Variants in FREM2 observed in about 807,000 individuals in gnomAD.
FREM2 encodes the protein FRAS1-related extracellular matrix protein 2.
A neutral mutation model predicts 219.9 loss-of-function variants in FREM2; 119 were observed. The ratio of observed to expected loss-of-function variants is 0.54; its 90% CI spans 0.47 to 0.63. The LOEUF (loss-of-function observed/expected upper bound fraction) is 0.63, where lower values mean the gene tolerates loss of function less well. Ranked by LOEUF, FREM2 falls within the 30% of genes least tolerant of loss-of-function variation. The pLI is 0.00. For missense variants in FREM2, 4,030 were observed against 3,993.6 expected, an observed-to-expected ratio of 1.01 and a Z score of -0.25; for synonymous variants, 1,562 against 1,522.8, an observed-to-expected ratio of 1.03 and a Z score of -0.60.
At chr13:38,820,770 C>G (rs1392776268) in intron 6 of FREM2, among the ~76,000 whole-genome samples, 1 of 152,098 alleles carries the variant, frequency 6.6e-6, no homozygotes, top group Non-Finnish European at 1.5e-5. Context: ...CAGAGCACTT[C>G]AAAGTCTTGG....
intron 6 of FREM2, among the ~76,000 whole-genome samples, chr13:38,793,407 G>A (rs1874640238): frequency 1.3e-5 from 2 of 152,218 alleles, no homozygotes; most frequent in Admixed American, 1.3e-4. Flanking sequence ...AGGAAAGTGT[G>A]TTTCTGGAGT....
At chr13:38,783,713 GTT>G (rs1874213166) in intron 5 of FREM2, among the ~76,000 whole-genome samples, 1 of 152,148 alleles carries the variant, frequency 6.6e-6, no homozygotes, top group Non-Finnish European at 1.5e-5. Flanking sequence ...AAAATCAAAA[GTT>G]ATATATGCTG....
chr13:38,761,726 G>C (rs1022847078), intron 2 of FREM2, among the ~76,000 whole-genome samples: 5 of 152,146 alleles, frequency 3.3e-5, no homozygotes, highest in African/African-American at 1.2e-4. Flanking sequence ...TCACACAGGA[G>C]GGGGATAGAG....
intron 2 of FREM2, among the ~76,000 whole-genome samples, chr13:38,764,000 A>T (rs1394485262): frequency 1.3e-5 from 2 of 152,166 alleles, no homozygotes; most frequent in Non-Finnish European, 2.9e-5. Context: ...GTTATCCTGC[A>T]AGTTGGATAT....
At chr13:38,695,140 C>G (rs1394891721) in intron 1 of FREM2, among the ~76,000 whole-genome samples, 1 of 152,120 alleles carries the variant, frequency 6.6e-6, no homozygotes, top group Non-Finnish European at 1.5e-5. Flanking sequence ...GATTATATTT[C>G]TACTACTTTT....
chr13:38,816,580 G>A (rs1875776445), intron 6 of FREM2, among the ~76,000 whole-genome samples: 1 of 152,108 alleles, frequency 6.6e-6, no homozygotes, highest in Non-Finnish European at 1.5e-5. Flanking sequence ...TTACCTCAAT[G>A]CAGTAACAGC....
chr13:38,860,588 CT>C (rs1877725502), intron 14 of FREM2, among the ~76,000 whole-genome samples: 1 of 152,118 alleles, frequency 6.6e-6, no homozygotes, highest in Non-Finnish European at 1.5e-5. Context: ...ATCAGACAGC[CT>C]CTATGCTGGG....
At chr13:38,800,669 A>C (rs2137850071) in intron 6 of FREM2, among the ~76,000 whole-genome samples, 1 of 152,264 alleles carries the variant, frequency 6.6e-6, no homozygotes, top group Admixed American at 6.5e-5. Flanking sequence ...TCACTTTGTC[A>C]CCCAGGCTGG....
rs1251896320 is a variant in FREM2, at chr13:38,728,263, C to T, written c.5263+30476C>T. The stretch of plus-strand genomic sequence containing the variant: ...TCACATGTTGTCGTTGACAGGACTG[C>T]TAGTGTTACTATTTTTTACTGAGCA... On this transcript the variant is annotated intron_variant, in intron 2 of 23. Transcript: ENST00000280481. Among the ~76,000 whole-genome samples the T allele has an allele frequency of 7.2e-5, 11 of 152,064 alleles. No homozygotes were observed. The South Asian group carries it at 1.9e-3, about 26-fold the overall frequency.
intron 2 of FREM2, among the ~76,000 whole-genome samples, chr13:38,742,953 T>G (rs1363759853): frequency 6.6e-6 from 1 of 152,196 alleles, no homozygotes; most frequent in East Asian, 1.9e-4. Flanking sequence ...GTTTAGGCAT[T>G]GAACTAGGAC....
At chr13:38,768,680 TA>T (rs1361319869) in intron 3 of FREM2, among the ~76,000 whole-genome samples, 1 of 152,232 alleles carries the variant, frequency 6.6e-6, no homozygotes, top group Non-Finnish European at 1.5e-5. Flanking sequence ...CTTGACTCAT[TA>T]AGAGGTTCTG....
chr13:38,805,302 C>T (rs1169783564), intron 6 of FREM2, among the ~76,000 whole-genome samples: 1 of 151,466 alleles, frequency 6.6e-6, no homozygotes, highest in Non-Finnish European at 1.5e-5. Flanking sequence ...CCTGACATAA[C>T]TAGGACATCA....
intron 6 of FREM2, among the ~76,000 whole-genome samples, chr13:38,794,891 A>G (rs1420568379): frequency 6.6e-6 from 1 of 152,178 alleles, no homozygotes; most frequent in African/African-American, 2.4e-5. Flanking sequence ...AGGACTTTAC[A>G]TGAATAATCC....
intron 6 of FREM2, among the ~76,000 whole-genome samples, chr13:38,835,059 C>A (rs1056845478): frequency 2.0e-5 from 3 of 151,920 alleles, no homozygotes; most frequent in African/African-American, 7.3e-5. Context: ...CTAGGTTTTC[C>A]CCTAGGGTTT....
chr13:38,720,193 A>G (rs1261975742), intron 2 of FREM2, among the ~76,000 whole-genome samples: 1 of 152,194 alleles, frequency 6.6e-6, no homozygotes, highest in Non-Finnish European at 1.5e-5. Flanking sequence ...GCTTACAAAC[A>G]TGTACAAACA....
chr13:38,877,252 T>A lies in FREM2; in HGVS notation c.8671+9T>A, dbSNP rs1368936738. 1 of 1,613,896 alleles carries A rather than the reference T, an allele frequency of 6.2e-7. No individual in the cohort carries two copies. Among genetic ancestry groups the A allele is most frequent in the South Asian group, 1.1e-5 (1 of 91,082 alleles). On this transcript the variant is annotated intron_variant, in intron 21 of 23. Coordinates refer to ENST00000280481, the MANE Select transcript of FREM2 (RefSeq NM_207361.6). ...TGTTGCTTTTGCAGAAGGTATCACT[T>A]TACAAATGAGAGGGATGCTCTGTTT...
rs2138063904 is a variant in FREM2, at chr13:38,688,451, C to T, written c.1107C>T (p.Tyr369=). 6.2e-7 allele frequency: 1 copy of T among 1,614,148 alleles called. No individual in the cohort carries two copies. The highest frequency in any genetic ancestry group is 8.5e-7 in the Non-Finnish European group (1 of 1,180,018). ...LTSPFQPGQG[Y]LVSTDDRSLP... is the part of the protein sequence containing the mutation. ...CTCCATTCCAGCCTGGCCAGGGCTACTTGGTGAGCACCGATGATCGCAGCC... is the reference window on the plus strand; with the variant it reads ...CTCCATTCCAGCCTGGCCAGGGCTATTTGGTGAGCACCGATGATCGCAGCC... Residue 369 remains tyrosine (Y), a synonymous_variant, in exon 1 of 24, where the codon TAC becomes TAT. Transcript: ENST00000280481.
chr13:38,877,972 A>C (rs773698299), intron 21 of FREM2, among the ~76,000 whole-genome samples, 162 bp from the exon 22 acceptor site: 1 of 152,182 alleles, frequency 6.6e-6, no homozygotes, highest in Non-Finnish European at 1.5e-5. Context: ...CTGAGAATGT[A>C]CCAGATCTTG....
intron 11 of FREM2, 46 bp from the exon 12 acceptor site, chr13:38,856,080 C>T (rs1877545981): frequency 2.7e-6 from 3 of 1,101,504 alleles, no homozygotes; most frequent in Admixed American, 3.7e-5. Context: ...GAAAACTTCT[C>T]ATATTCATAT....
Sources: gnomAD v4.1 joint callset for allele counts (sites outside exome capture counted in the v4.1 genomes callset) on GRCh38, gnomAD v4.1.1 for gene constraint, MANE v1.5 for transcripts, NCBI Gene and HGNC (gene_info 2026-07-23, HGNC 2026-07-21) for gene names.